FAT1: variants seen among roughly 807,000 people sequenced by gnomAD.
FAT1 encodes protocadherin Fat 1.
A neutral mutation model predicts 329.8 loss-of-function variants in FAT1; 171 were observed. That is an observed-to-expected ratio of 0.52 (90% CI 0.46 to 0.59). FAT1 has a LOEUF of 0.59. Ranked by LOEUF, FAT1 falls within the 20% of genes least tolerant of loss-of-function variation. The probability of loss-of-function intolerance (pLI) is 0.00; values close to 1 mark genes in which losing one functional copy is unlikely to be tolerated. For missense variants in FAT1, 5,672 were observed against 5,774.4 expected (o/e 0.98, Z 0.57); for synonymous variants, 2,233 against 2,228.6 (o/e 1.00, Z -0.06).
At position 186,709,363 on chromosome 4, in the gene FAT1, G is replaced by A. The variant is rs753125768; in HGVS notation, c.465C>T (p.Ser155=). The change falls in exon 2 of 27, where the codon AGC becomes AGT. Residue 155 remains serine, a synonymous_variant. Coordinates refer to ENST00000441802, the MANE Select transcript of FAT1 (RefSeq NM_005245.4). ...TAGCTGTGTTTTCAGGTAAAGAAACGCTGTATGAGGTGGGTGAGAATAACG... is the reference window on the plus strand; with the variant it reads ...TAGCTGTGTTTTCAGGTAAAGAAACACTGTATGAGGTGGGTGAGAATAACG... ...LRPLFSPTSY[S]VSLPENTAIR... 5.0e-5 allele frequency: 80 copies of A among 1,613,846 alleles called. No homozygotes were observed. Among genetic ancestry groups the A allele is most frequent in the Non-Finnish European group, 6.3e-5 (74 of 1,179,908 alleles).
chr4:186,642,028 A>T (rs1292732538), intron 3 of FAT1, among the ~76,000 whole-genome samples: 1 of 151,882 alleles, frequency 6.6e-6, no homozygotes, highest in African/African-American at 2.4e-5. Context: ...CAAAATCCAC[A>T]TAAAGCCAAA....
intron 17 of FAT1, among the ~76,000 whole-genome samples, chr4:186,605,703 G>A (rs1418673405): frequency 1.3e-5 from 2 of 150,598 alleles, no homozygotes; most frequent in Non-Finnish European, 3.0e-5. Flanking sequence ...TGAAGAAAGT[G>A]GAGTAGAAGA....
In FAT1 at chr4:186,611,470, G is replaced by A. The variant is rs200112487; in HGVS notation, c.9769C>T (p.Arg3257Trp). 6.8e-6 allele frequency: 11 copies of A among 1,613,724 alleles called. No homozygotes were observed. Among genetic ancestry groups the A allele is most frequent in the South Asian group, 5.5e-5 (5 of 91,040 alleles). ...ATTTCTGCATTTGCTTCAATATCCCGACTTGCTGCATACACTTGAAGAACT... is the reference window on the plus strand; with the variant it reads ...ATTTCTGCATTTGCTTCAATATCCCAACTTGCTGCATACACTTGAAGAACT... ...TEVLQVYAAS[R>W]DIEANAEITY... The change falls in exon 14 of 27, where the codon CGG becomes TGG. Residue 3257 changes from arginine (R) to tryptophan (W), a missense_variant. Arg to Trp is a moderately radical substitution (Grantham distance 101). Around this residue, in one of 2 missense-constraint regions of FAT1, gnomAD observed 1,706 missense variants for 1,859.1 expected, o/e 0.92. Coordinates refer to ENST00000441802, the MANE Select transcript of FAT1 (RefSeq NM_005245.4).
intron 2 of FAT1, among the ~76,000 whole-genome samples, chr4:186,668,353 G>A (rs946759062): frequency 2.0e-5 from 3 of 152,128 alleles, no homozygotes; most frequent in Non-Finnish European, 2.9e-5. Flanking sequence ...TAGATAATGT[G>A]CAAAGAAAGA....
In FAT1 at chr4:186,603,307, C is replaced by A. The variant is rs1579301148; in HGVS notation, c.11219G>T (p.Gly3740Val). 1.9e-6 allele frequency: 3 copies of A among 1,613,978 alleles called. No homozygotes were observed. In the Middle Eastern group the frequency reaches 4.9e-4, roughly 266 times the overall value. The change falls in exon 19 of 27, where the codon GGA becomes GTA. Residue 3740 changes from glycine to valine, a missense_variant. Physicochemically the swap from Gly to Val is moderately radical, Grantham distance 109. Coordinates refer to ENST00000441802, the MANE Select transcript of FAT1 (RefSeq NM_005245.4). ...ILNVFQKLCAGLDCPWKFCDE... is the reference protein window; with the variant it reads ...ILNVFQKLCAVLDCPWKFCDE... ...GCAGAACTTCCAGGGGCAGTCCAGT[C>A]CCGCGCAGAGTTTCTGGAATACATT...
At chr4:186,644,322 G>T (rs755887008) in intron 3 of FAT1, among the ~76,000 whole-genome samples, 18 of 152,182 alleles carry the variant, frequency 1.2e-4, no homozygotes, top group Non-Finnish European at 2.6e-4. Flanking sequence ...GCAGAAAAAC[G>T]TATATGCAAC....
At chr4:186,634,522 G>A (rs1384654350) in intron 6 of FAT1, among the ~76,000 whole-genome samples, 1 of 151,920 alleles carries the variant, frequency 6.6e-6, no homozygotes, top group Non-Finnish European at 1.5e-5. Flanking sequence ...CACACACGAC[G>A]TCTTAAGAGA....
intron 2 of FAT1, among the ~76,000 whole-genome samples, chr4:186,679,395 T>C (rs185375816): frequency 9.9e-4 from 116 of 116,856 alleles, no homozygotes; most frequent in Admixed American, 4.1e-3. Flanking sequence ...CCAGCCTGGG[T>C]GACAGAGTGA....
At chr4:186,634,734 C>A (rs545855779) in intron 6 of FAT1, among the ~76,000 whole-genome samples, 1 of 152,322 alleles carries the variant, frequency 6.6e-6, no homozygotes, top group East Asian at 1.9e-4. Context: ...TCAGCAGATA[C>A]CTTCTGCTGT....
At chr4:186,646,537 T>C (rs1464482546) in intron 3 of FAT1, among the ~76,000 whole-genome samples, 1 of 152,168 alleles carries the variant, frequency 6.6e-6, no homozygotes, top group Non-Finnish European at 1.5e-5. Flanking sequence ...TAAATTTAAA[T>C]AATTTAAATT....
chr4:186,687,207 A>T (rs1456645722), intron 2 of FAT1, among the ~76,000 whole-genome samples: 1 of 152,192 alleles, frequency 6.6e-6, no homozygotes, highest in East Asian at 1.9e-4. Flanking sequence ...CCAGAACCAC[A>T]GCCACAAAAC....
chr4:186,622,663 T>C lies in FAT1; in HGVS notation c.4811-888A>G, dbSNP rs563091512. ...CTGCAACCACAACTCCAGAATATTG[T>C]ATAATTTTGTATCATCGACTGAATC... On this transcript the variant is annotated intron_variant, in intron 9 of 26. Coordinates refer to ENST00000441802, the MANE Select transcript of FAT1 (RefSeq NM_005245.4). Among the ~76,000 whole-genome samples, 13 of 152,328 alleles carry C rather than the reference T, an allele frequency of 8.5e-5. No homozygotes were observed. In the East Asian group the frequency reaches 2.5e-3, roughly 29 times the overall value.
Position 186,707,063 on chromosome 4 carries a change from T to C in FAT1, c.2765A>G (p.Asp922Gly), listed in dbSNP as rs1744657940. Residue 922 changes from aspartate to glycine, a missense_variant, in exon 2 of 27, where the codon GAC (aspartate) becomes GGC (glycine). Physicochemically the swap from Asp to Gly is moderately conservative, Grantham distance 94. This residue lies in a region of FAT1 where 3,966 missense variants were observed against 3,915.2 expected (regional missense o/e 1.01). Coordinates refer to ENST00000441802, the MANE Select transcript of FAT1 (RefSeq NM_005245.4). ...VVKVSLEDVN[D>G]NPPTFIPPNY... ...AGGTGGAATAAATGTAGGTGGGTTG[T>C]CATTAACATCTTCTAGTGATACTTT... The C allele has an allele frequency of 6.2e-7, 1 of 1,613,892 alleles. No individual in the cohort carries two copies. The highest frequency in any genetic ancestry group is 2.2e-5 in the East Asian group (1 of 44,886).
At chr4:186,720,313 A>G (rs1437632212) in intron 1 of FAT1, among the ~76,000 whole-genome samples, 1 of 152,172 alleles carries the variant, frequency 6.6e-6, no homozygotes, top group African/African-American at 2.4e-5. Context: ...TCTGCCTCAT[A>G]AAAACAATCC....
chr4:186,621,190 G>C lies in FAT1; in HGVS notation c.5396C>G (p.Ala1799Gly), dbSNP rs1370148067. The change falls in exon 10 of 27, where the codon GCT becomes GGT. Residue 1799 changes from alanine to glycine, a missense_variant. This residue lies in a region of FAT1 where 3,966 missense variants were observed against 3,915.2 expected (regional missense o/e 1.01). Coordinates refer to ENST00000441802, the MANE Select transcript of FAT1 (RefSeq NM_005245.4). ...AAGCAAAGCATTTGAGTCTTTATCA[G>C]CATCAGCTGCTCGAATCACCAGTGG... The part of the protein sequence containing the change: ...NVPLVIRAAD[A>G]DKDSNALLVY... The C allele has an allele frequency of 1.9e-6, 3 of 1,613,870 alleles. No homozygotes were observed. Among genetic ancestry groups the C allele is most frequent in the Non-Finnish European group, 2.5e-6 (3 of 1,179,898 alleles).
intron 13 of FAT1, among the ~76,000 whole-genome samples, 168 bp from the exon 14 acceptor site, chr4:186,611,943 C>G (rs1739467894): frequency 6.6e-6 from 1 of 151,638 alleles, no homozygotes. Context: ...CCTGCCTCAG[C>G]CTCCCGAGTG....
intron 2 of FAT1, among the ~76,000 whole-genome samples, chr4:186,692,372 G>A (rs1176118161): frequency 6.6e-6 from 1 of 151,984 alleles, no homozygotes; most frequent in Non-Finnish European, 1.5e-5. Flanking sequence ...GAGTGCAGTG[G>A]CGCAATCTCG....
chr4:186,674,269 A>G (rs1043972695), intron 2 of FAT1, among the ~76,000 whole-genome samples: 10 of 152,230 alleles, frequency 6.6e-5, no homozygotes, highest in African/African-American at 2.4e-4. Flanking sequence ...TAAAGTAACC[A>G]ATGAATTAAT....
At chr4:186,720,841 T>G (rs7661275) in intron 1 of FAT1, among the ~76,000 whole-genome samples, 11,637 of 152,162 alleles carry the variant, frequency 0.076, 1,556 homozygotes, top group African/African-American at 0.27. Flanking sequence ...AGGACTGTGT[T>G]GGGGAGGGGA....
Sources: allele counts gnomAD v4.1 joint callset (sites outside exome capture counted in the v4.1 genomes callset), GRCh38; gene constraint gnomAD v4.1.1; regional missense constraint gnomAD v4.1.1; transcripts MANE v1.5; gene names NCBI Gene and HGNC (gene_info 2026-07-23, HGNC 2026-07-21).